Variants in CHODL observed in about 807,000 individuals in gnomAD.
CHODL encodes the protein transmembrane protein MT75.
In CHODL, 29 loss-of-function variants were observed where a neutral mutation model predicts 34.5. That is an observed-to-expected ratio of 0.84 (90% CI 0.63 to 1.15). The LOEUF (loss-of-function observed/expected upper bound fraction) is 1.15. CHODL is among the 50% of genes most tolerant of loss of function. The pLI, the probability that CHODL is intolerant of heterozygous loss-of-function variation, is 0.00. For synonymous variants in CHODL, 125 were observed against 116.1 expected, an observed-to-expected ratio of 1.08 and a Z score of -0.49; for missense variants, 332 against 332.5, an observed-to-expected ratio of 1.00 and a Z score of 0.01.
At chr21:18,010,978 A>G (rs1350575167) in intron 1 of CHODL, among the ~76,000 whole-genome samples, 1 of 152,214 alleles carries the variant, frequency 6.6e-6, no homozygotes, top group African/African-American at 2.4e-5. Flanking sequence ...AGACATTCTT[A>G]CTTCTGAATA....
At chr21:17,919,114 T>C (rs1025583263) in intron 1 of CHODL, among the ~76,000 whole-genome samples, 1 of 152,216 alleles carries the variant, frequency 6.6e-6, no homozygotes, top group East Asian at 1.9e-4. Flanking sequence ...GTGTTGAGTG[T>C]CTGCGGCTTT....
intron 1 of CHODL, among the ~76,000 whole-genome samples, chr21:17,949,978 T>C (rs197582): frequency 0.42 from 64,439 of 151,792 alleles, 14,044 homozygotes; most frequent in East Asian, 0.64. Flanking sequence ...AAAAATAAAA[T>C]AGAAAAAAAT....
At chr21:17,977,744 C>CT (rs1486864472) in intron 1 of CHODL, among the ~76,000 whole-genome samples, 2 of 149,078 alleles carry the variant, frequency 1.3e-5, no homozygotes, top group African/African-American at 4.9e-5. Flanking sequence ...TGGTGAAACT[C>CT]TGTCTCTACT....
intron 2 of CHODL, among the ~76,000 whole-genome samples, chr21:18,108,874 T>C (rs949588790): frequency 6.6e-6 from 1 of 151,278 alleles, no homozygotes; most frequent in African/African-American, 2.4e-5. Context: ...TGTGTGTGTT[T>C]CTTCTAACTT....
chr21:18,109,703 AT>A (rs539388013), intron 2 of CHODL, among the ~76,000 whole-genome samples: 2 of 152,154 alleles, frequency 1.3e-5, no homozygotes, highest in African/African-American at 4.8e-5. Context: ...TAAATAAATA[AT>A]TTTTTTAAGT....
At chr21:17,988,667 C>T (rs553237373) in intron 1 of CHODL, among the ~76,000 whole-genome samples, 11 of 143,182 alleles carry the variant, frequency 7.7e-5, no homozygotes, top group East Asian at 4.1e-4. Flanking sequence ...TTTGTTCTTG[C>T]GATAGTTTAC....
intron 2 of CHODL, among the ~76,000 whole-genome samples, chr21:18,201,843 C>T (rs865793836): frequency 5.4e-5 from 7 of 129,608 alleles, no homozygotes; most frequent in Non-Finnish European, 9.3e-5. Flanking sequence ...CTCACTCTGT[C>T]GCCCAGGCTG....
At chr21:18,261,143 A>C (rs1362980416) in intron 4 of CHODL, among the ~76,000 whole-genome samples, 2 of 152,166 alleles carry the variant, frequency 1.3e-5, no homozygotes, top group Non-Finnish European at 2.9e-5. Context: ...GTCCACTTTG[A>C]CCAGAATTAT....
chr21:18,082,169 T>C (rs1348421876), intron 2 of CHODL, among the ~76,000 whole-genome samples: 1 of 152,154 alleles, frequency 6.6e-6, no homozygotes, highest in East Asian at 1.9e-4. Context: ...CAAGATCTGG[T>C]TGTTTCAAAG....
At chr21:17,985,435 T>C (rs2063745921) in intron 1 of CHODL, among the ~76,000 whole-genome samples, 1 of 152,212 alleles carries the variant, frequency 6.6e-6, no homozygotes, top group South Asian at 2.1e-4. Flanking sequence ...GTGAATCTGG[T>C]AATGTCTGCA....
At chr21:18,036,244 G>A (rs2064309318) in intron 2 of CHODL, among the ~76,000 whole-genome samples, 1 of 151,910 alleles carries the variant, frequency 6.6e-6, no homozygotes, top group African/African-American at 2.4e-5. Flanking sequence ...CTAGCTAGTA[G>A]GAACACAAAC....
At chr21:18,056,746 G>T (rs530600980) in intron 2 of CHODL, among the ~76,000 whole-genome samples, 2 of 151,832 alleles carry the variant, frequency 1.3e-5, no homozygotes, top group South Asian at 4.2e-4. Flanking sequence ...TTTCCTTTCT[G>T]TTATTATGCT....
At chr21:18,254,570 T>C (rs2074293968) in intron 1 of CHODL, among the ~76,000 whole-genome samples, 1 of 152,142 alleles carries the variant, frequency 6.6e-6, no homozygotes, top group African/African-American at 2.4e-5. Context: ...TTCTGGAGAT[T>C]GTTTATAATC....
chr21:17,998,298 G>T (rs1276162783), intron 1 of CHODL, among the ~76,000 whole-genome samples: 1 of 152,202 alleles, frequency 6.6e-6, no homozygotes, highest in Non-Finnish European at 1.5e-5. Context: ...CACCCCTGTG[G>T]CTTTTCAGGG....
At chr21:18,237,901 G>A (rs73318206) in intron 2 of CHODL, among the ~76,000 whole-genome samples, 4,299 of 152,114 alleles carry the variant, frequency 0.028, 190 homozygotes, top group African/African-American at 0.099. Context: ...TAGTAGAGAT[G>A]GACAAACATT....
intron 2 of CHODL, among the ~76,000 whole-genome samples, chr21:18,205,326 C>T (rs994142965): frequency 4.6e-5 from 7 of 152,136 alleles, no homozygotes; most frequent in Non-Finnish European, 1.0e-4. Flanking sequence ...GCTTTTTCAG[C>T]ATGAATTGAA....
Position 18,106,501 on chromosome 21 carries a change from C to CTT in CHODL, c.-45+78541_-45+78542dup, listed in dbSNP as rs60995338. On this transcript the variant is annotated intron_variant, in intron 2 of 6. Coordinates refer to the CHODL transcript ENST00000400127. ...TTTTTTCTTTTTTCTTTTTCTTTTT[C>CTT]TTTTTTTTTTTTGAGATGGAGTCTT... Among the ~76,000 whole-genome samples the CTT allele has an allele frequency of 5.4e-3, 716 of 133,192 alleles. 7 individuals are homozygous for CTT. The highest frequency in any genetic ancestry group is 0.018 in the African/African-American group (574 of 31,074). The allele number at this position is 133,192 out of a possible 152,430, so 87.4% of individuals were successfully genotyped here.
At chr21:18,225,455 T>G (rs1487628562) in intron 2 of CHODL, among the ~76,000 whole-genome samples, 1 of 152,128 alleles carries the variant, frequency 6.6e-6, no homozygotes, top group African/African-American at 2.4e-5. Context: ...AATTATGTAT[T>G]ATTATTCTAT....
chr21:17,975,470 A>G (rs2063654231), intron 1 of CHODL, among the ~76,000 whole-genome samples: 1 of 152,044 alleles, frequency 6.6e-6, no homozygotes, highest in African/African-American at 2.4e-5. Flanking sequence ...AAATCTAACT[A>G]CTTTAAAATG....
Sources: gnomAD v4.1 joint callset for allele counts (sites outside exome capture counted in the v4.1 genomes callset) on GRCh38, gnomAD v4.1.1 for gene constraint, MANE v1.5 for transcripts, NCBI Gene and HGNC (gene_info 2026-07-23, HGNC 2026-07-21) for gene names.